MCTP1: variants seen among roughly 807,000 people sequenced by gnomAD.
MCTP1 encodes the protein multiple C2 and transmembrane domain-containing protein 1.
A neutral mutation model predicts 120.6 loss-of-function variants in MCTP1; 69 were observed. That is an observed-to-expected ratio of 0.57 (90% CI 0.47 to 0.70). The LOEUF (loss-of-function observed/expected upper bound fraction) is 0.70. Among genes scored for constraint, MCTP1 ranks in the 30% least tolerant of loss-of-function variants. The pLI, the probability that MCTP1 is intolerant of heterozygous loss-of-function variation, is 0.00. For missense variants in MCTP1, 1,203 were observed against 1,248.8 expected (o/e 0.96, Z 0.55); for synonymous variants, 529 against 493.1 (o/e 1.07, Z -0.96).
At chr5:94,833,674 G>A (rs1004956105) in intron 17 of MCTP1, among the ~76,000 whole-genome samples, 4 of 152,128 alleles carry the variant, frequency 2.6e-5, no homozygotes, top group East Asian at 1.9e-4. Flanking sequence ...TCTCTGGAGC[G>A]CAGATATTGG....
chr5:94,794,236 T>C (rs1779545293), intron 18 of MCTP1, among the ~76,000 whole-genome samples: 2 of 152,236 alleles, frequency 1.3e-5, no homozygotes, highest in Admixed American at 6.5e-5. Context: ...TTAAAAAACA[T>C]TGAAGAATTT....
intron 17 of MCTP1, among the ~76,000 whole-genome samples, chr5:94,827,145 C>T (rs956423563): frequency 6.6e-6 from 1 of 152,072 alleles, no homozygotes. Flanking sequence ...CCTTCAGGAG[C>T]TCATGTAAGG....
rs1195209710 is a variant in MCTP1, at chr5:94,714,946, C to A, written c.2611-60G>T. On this transcript the variant is annotated intron_variant, in intron 19 of 22. Transcript: ENST00000515393. ...AAAGGTATTCTTCATTGCTTGAATTCTTTGTGTTGTCCCTCTGTTACATTT... is the reference window on the plus strand; with the variant it reads ...AAAGGTATTCTTCATTGCTTGAATTATTTGTGTTGTCCCTCTGTTACATTT... The A allele has an allele frequency of 5.2e-6, 5 of 960,962 alleles. No individual in the cohort carries two copies. The East Asian group carries it at 7.2e-5, about 14-fold the overall frequency. The allele number at this position is 960,962 out of a possible 1,614,324, so 59.5% of individuals were successfully genotyped here.
intron 1 of MCTP1, among the ~76,000 whole-genome samples, chr5:95,089,671 C>T (rs1755698855): frequency 6.6e-6 from 1 of 152,140 alleles, no homozygotes; most frequent in South Asian, 2.1e-4. Flanking sequence ...AAACCTGAAT[C>T]CAGAGGGTCT....
At chr5:95,195,255 C>T (rs1750250940) in intron 1 of MCTP1, among the ~76,000 whole-genome samples, 1 of 152,160 alleles carries the variant, frequency 6.6e-6, no homozygotes, top group Admixed American at 6.5e-5. Context: ...GGTTTTTCCC[C>T]CGTGGCAACT....
At chr5:94,849,827 A>T (rs978750705) in intron 17 of MCTP1, among the ~76,000 whole-genome samples, 1 of 152,168 alleles carries the variant, frequency 6.6e-6, no homozygotes, top group African/African-American at 2.4e-5. Context: ...ATTCCAAAAA[A>T]CTGCTGCAAA....
intron 19 of MCTP1, among the ~76,000 whole-genome samples, chr5:94,750,954 G>A (rs374527716): frequency 4.6e-5 from 7 of 152,242 alleles, no homozygotes; most frequent in South Asian, 2.1e-4. Flanking sequence ...AAATGTCCCC[G>A]TCATCCAGAA....
intron 17 of MCTP1, among the ~76,000 whole-genome samples, chr5:94,848,548 T>A (rs1212705400): frequency 6.6e-6 from 1 of 152,140 alleles, no homozygotes; most frequent in African/African-American, 2.4e-5. Context: ...TTGCACTCTG[T>A]AACTTTCACA....
rs1363730187 is a variant in MCTP1 at position 94,705,076 on chromosome 5, G to T, written c.*2420C>A. ...AGATACTAAAGGAATATATTTAGTAGTTCACAATATCTATAATAGTTAGCA... is the reference window on the plus strand; with the variant it reads ...AGATACTAAAGGAATATATTTAGTATTTCACAATATCTATAATAGTTAGCA... On this transcript the variant is annotated 3_prime_UTR_variant, in exon 23 of 23. Coordinates refer to ENST00000515393, the MANE Select transcript of MCTP1 (RefSeq NM_024717.7). The T allele has an allele frequency of 6.6e-6, 1 of 151,406 alleles. No individual in the cohort carries two copies. Among genetic ancestry groups the T allele is most frequent in the Non-Finnish European group, 1.5e-5 (1 of 67,608 alleles). The allele number at this position is 151,406 out of a possible 1,614,324, so 9.4% of individuals were successfully genotyped here. A position where few individuals can be genotyped will look rare whatever the true frequency, so the allele number is the denominator to read the frequency against.
chr5:94,759,275 T>TA (rs1770716722), intron 19 of MCTP1, among the ~76,000 whole-genome samples: 1 of 152,162 alleles, frequency 6.6e-6, no homozygotes, highest in African/African-American at 2.4e-5. Flanking sequence ...ACCAGGTGTG[T>TA]AAACACTAAG....
intron 12 of MCTP1, among the ~76,000 whole-genome samples, chr5:94,880,708 C>T (rs1348644196): frequency 1.3e-5 from 2 of 152,132 alleles, no homozygotes; most frequent in African/African-American, 4.8e-5. Context: ...GGTGGTCCTT[C>T]AGGCTCTGCT....
chr5:94,938,991 G>C (rs1816883384), intron 5 of MCTP1, among the ~76,000 whole-genome samples: 1 of 151,966 alleles, frequency 6.6e-6, no homozygotes, highest in Admixed American at 6.6e-5. Flanking sequence ...ATTATTATCT[G>C]GCAATTCTTA....
intron 1 of MCTP1, among the ~76,000 whole-genome samples, chr5:95,212,334 A>G (rs941222866): frequency 1.3e-5 from 2 of 152,216 alleles, no homozygotes; most frequent in Non-Finnish European, 2.9e-5. Flanking sequence ...ATCTCTGAAT[A>G]GACCAATAAC....
rs912611455 is a variant in MCTP1, at chr5:94,809,955, GA to G, written c.2437-10824del. Among the ~76,000 whole-genome samples the G allele has an allele frequency of 4.0e-5, 6 of 151,674 alleles. No homozygotes were observed. In the East Asian group the frequency reaches 5.8e-4, roughly 15 times the overall value. ...CATGCTTTAATTATTTTCTAAGGAA[GA>G]AAAAAAAGTGTTTTAATGTTGGATC... On this transcript the variant is annotated intron_variant, in intron 17 of 22. Transcript: ENST00000515393.
intron 1 of MCTP1, among the ~76,000 whole-genome samples, chr5:95,064,755 A>G (rs1340229615): frequency 6.6e-6 from 1 of 152,230 alleles, no homozygotes; most frequent in African/African-American, 2.4e-5. Context: ...GTTCCCTTTG[A>G]TGTAGAATTG....
At chr5:94,962,525 G>A (rs1289177300) in intron 2 of MCTP1, among the ~76,000 whole-genome samples, 2 of 151,258 alleles carry the variant, frequency 1.3e-5, no homozygotes, top group Non-Finnish European at 2.9e-5. Context: ...TACATGTGAT[G>A]GAATAGTACT....
chr5:95,123,891 C>T (rs1013975761), intron 1 of MCTP1, among the ~76,000 whole-genome samples: 13 of 152,194 alleles, frequency 8.5e-5, no homozygotes, highest in Admixed American at 1.3e-4. Context: ...CCTCATGATC[C>T]GCCCGCCTCG....
At chr5:95,144,118 G>T (rs1031836488) in intron 1 of MCTP1, among the ~76,000 whole-genome samples, 1 of 152,062 alleles carries the variant, frequency 6.6e-6, no homozygotes, top group African/African-American at 2.4e-5. Flanking sequence ...GTGTGAGTTG[G>T]TATCTCACTG....
chr5:94,732,403 C>T (rs932885138), intron 19 of MCTP1, among the ~76,000 whole-genome samples: 2 of 151,112 alleles, frequency 1.3e-5, no homozygotes, highest in African/African-American at 4.9e-5. Context: ...ATTTTTCTTC[C>T]AGTGTGGCCC....
Sources: allele counts gnomAD v4.1 joint callset (sites outside exome capture counted in the v4.1 genomes callset), GRCh38; gene constraint gnomAD v4.1.1; transcripts MANE v1.5; gene names NCBI Gene and HGNC (gene_info 2026-07-23, HGNC 2026-07-21).